The following HPN variants were observed in gnomAD, a reference collection of about 807,000 sequenced individuals.
The protein encoded by HPN is serine protease hepsin.
A neutral mutation model predicts 55.9 loss-of-function variants in HPN; 13 were observed. That is an observed-to-expected ratio of 0.23 (90% CI 0.15 to 0.37). The LOEUF is 0.37. Ranked by LOEUF, HPN falls within the 10% of genes least tolerant of loss-of-function variation. HPN has a pLI of 1.00. For missense variants in HPN, 451 were observed against 575.8 expected, an observed-to-expected ratio of 0.78 and a Z score of 2.22; for synonymous variants, 225 against 240.3, an observed-to-expected ratio of 0.94 and a Z score of 0.59.
At chr19:35,042,409 G>T in intron 1 of HPN, 44 bp from the exon 2 acceptor site, 2 of 1,526,448 alleles carry the variant, frequency 1.3e-6, no homozygotes, top group South Asian at 2.5e-5. Context: ...ACTGGGCTGG[G>T]CTGGGCTCCC....
chr19:35,050,910 C>CTTCTTTTTTTTTT (rs1568357736), intron 4 of HPN, among the ~76,000 whole-genome samples: 1 of 116,768 alleles, frequency 8.6e-6, no homozygotes, highest in African/African-American at 3.3e-5. Context: ...TTCTTTCTTT[C>CTTCTTTTTTTTTT]TTTCTTTTTT....
At chr19:35,049,090 G>A (rs953791231) in intron 2 of HPN, among the ~76,000 whole-genome samples, 200 bp from the exon 3 acceptor site, 1 of 152,188 alleles carries the variant, frequency 6.6e-6, no homozygotes, top group African/African-American at 2.4e-5. Context: ...TGGAACCCTG[G>A]GGGAGCTGGG....
intron 9 of HPN, among the ~76,000 whole-genome samples, chr19:35,064,132 T>G (rs948757203): frequency 4.3e-5 from 6 of 140,074 alleles, no homozygotes; most frequent in African/African-American, 1.3e-4. Context: ...GCTCTAAGAC[T>G]CAGGCAGGTG....
At chr19:35,055,446 G>A (rs1033429178) in intron 4 of HPN, among the ~76,000 whole-genome samples, 10 of 151,402 alleles carry the variant, frequency 6.6e-5, no homozygotes, top group African/African-American at 2.4e-4. Context: ...AGGACAAAGA[G>A]GTTCACAGCT....
upstream of HPN, among the ~76,000 whole-genome samples, chr19:35,040,804 G>T (rs2064285590): frequency 2.0e-5 from 3 of 152,314 alleles, no homozygotes; most frequent in South Asian, 6.2e-4. Context: ...GGCTAAACCA[G>T]CGTGTCCCAA....
intron 4 of HPN, among the ~76,000 whole-genome samples, chr19:35,050,914 C>CTTTTTTTTTTTTTTTTTTTTTTTTT (rs5827917): frequency 5.5e-5 from 5 of 90,438 alleles, no homozygotes; most frequent in Non-Finnish European, 1.0e-4. Flanking sequence ...TTCTTTCTTT[C>CTTTTTTTTTTTTTTTTTTTTTTTTT]TTTTTTTTTT....
intron 4 of HPN, among the ~76,000 whole-genome samples, chr19:35,057,790 C>T (rs531555151): frequency 1.1e-3 from 163 of 152,252 alleles, no homozygotes; most frequent in African/African-American, 3.9e-3. Flanking sequence ...AGCCGTTCCA[C>T]AACGTATACA....
At chr19:35,055,878 G>A (rs2064450022) in intron 4 of HPN, among the ~76,000 whole-genome samples, 1 of 152,166 alleles carries the variant, frequency 6.6e-6, no homozygotes, top group African/African-American at 2.4e-5. Context: ...GCAGCCAGAG[G>A]GAGCTGGTGA....
chr19:35,044,590 GT>G (rs1355149594), intron 2 of HPN, among the ~76,000 whole-genome samples: 1 of 152,152 alleles, frequency 6.6e-6, no homozygotes, highest in Non-Finnish European at 1.5e-5. Flanking sequence ...TATTTTACAA[GT>G]TCTACTGTTT....
At position 35,062,122 on chromosome 19, in the gene HPN, G is replaced by T. The variant is rs550481784; in HGVS notation, c.811+1305G>T. 8.5e-5 allele frequency among the ~76,000 whole-genome samples: 13 copies of T among 152,142 alleles called. No individual in the cohort carries two copies. The South Asian group carries it at 2.7e-3, about 32-fold the overall frequency. ...GGAAGGAAGGAAGAAAAGAAGAAAA[G>T]AAAAGGAAAGAAAGAAAAGAAATGT... On this transcript the variant is annotated intron_variant, in intron 9 of 12. Coordinates refer to ENST00000672452, the MANE Select transcript of HPN (RefSeq NM_001384133.1).
At chr19:35,050,910 C>CTTCTTTTTTTTTTTT (rs1568357736) in intron 4 of HPN, among the ~76,000 whole-genome samples, 2 of 116,768 alleles carry the variant, frequency 1.7e-5, no homozygotes, top group African/African-American at 6.5e-5. Flanking sequence ...TTCTTTCTTT[C>CTTCTTTTTTTTTTTT]TTTCTTTTTT....
In HPN at chr19:35,059,800, C is replaced by G. The variant is rs79831835; in HGVS notation, c.288C>G (p.Leu96=). Residue 96 remains leucine, a splice_region_variant and synonymous_variant, in exon 5 of 13, where the codon CTC becomes CTG. Coordinates refer to ENST00000672452, the MANE Select transcript of HPN (RefSeq NM_001384133.1). ...TCAGCTGCGAGGAGATGGGCTTCCT[C>G]AGGTACTGGGGGCCCTCGGAGGGGT... ...AGLSCEEMGF[L]RALTHSELDV... is the part of the protein sequence containing the mutation. 1,835 of 1,570,458 alleles carry G rather than the reference C, an allele frequency of 1.2e-3. 22 individuals carry two copies. The African/African-American group carries it at 0.023, about 19-fold the overall frequency.
At chr19:35,052,491 C>T (rs1396046555) in intron 4 of HPN, among the ~76,000 whole-genome samples, 1 of 142,148 alleles carries the variant, frequency 7.0e-6, no homozygotes, top group Admixed American at 7.4e-5. Context: ...ACTGAGATCA[C>T]GCCACTGCAC....
At position 35,066,398 on chromosome 19, in the gene HPN, A is replaced by C; in HGVS notation, c.*111A>C. On this transcript the variant is annotated 3_prime_UTR_variant, in exon 13 of 13. Coordinates refer to ENST00000672452, the MANE Select transcript of HPN (RefSeq NM_001384133.1). Reference sequence around the variant, plus strand: ...CTTCTTGGGCCCGGTCCACAGGTCCAAGGACACCCTCCCTCCAGGGTCCTC... The same window carrying C: ...CTTCTTGGGCCCGGTCCACAGGTCCCAGGACACCCTCCCTCCAGGGTCCTC... The C allele has an allele frequency of 2.1e-6, 3 of 1,426,940 alleles. No individual in the cohort carries two copies. The highest frequency in any genetic ancestry group is 2.9e-6 in the Non-Finnish European group (3 of 1,052,536). 88.4% of individuals were successfully genotyped at this position (1,426,940 alleles called of 1,614,324 possible).
chr19:35,052,418 C>T (rs1023204528), intron 4 of HPN, among the ~76,000 whole-genome samples: 38 of 151,430 alleles, frequency 2.5e-4, no homozygotes, highest in Non-Finnish European at 4.0e-4. Context: ...ATCCCAGCTA[C>T]TCAGGAGGCT....
intron 2 of HPN, among the ~76,000 whole-genome samples, chr19:35,048,328 C>T (rs1186881605): frequency 6.6e-6 from 1 of 152,172 alleles, no homozygotes; most frequent in Non-Finnish European, 1.5e-5. Context: ...GGGCACGTGA[C>T]CCCACTTCTC....
At chr19:35,050,461 AC>A in intron 4 of HPN, 1 of 1,274,458 alleles carries the variant, frequency 7.8e-7, no homozygotes, top group Non-Finnish European at 1.0e-6. Flanking sequence ...CAAAATGAGG[AC>A]CAGAGAGGAC....
chr19:35,048,028 A>AAAAG (rs1555722914), intron 2 of HPN, among the ~76,000 whole-genome samples: 2,034 of 87,440 alleles, frequency 0.023, 56 homozygotes, highest in South Asian at 0.038. Flanking sequence ...GAGAGAGAGA[A>AAAAG]AAAGAAAGAA....
intron 2 of HPN, among the ~76,000 whole-genome samples, chr19:35,046,116 G>T (rs1194822820): frequency 2.0e-5 from 3 of 152,184 alleles, no homozygotes; most frequent in African/African-American, 7.2e-5. Context: ...AGAGTTGGGG[G>T]GCAGGCCTGA....
Sources: allele counts gnomAD v4.1 joint callset (sites outside exome capture counted in the v4.1 genomes callset), GRCh38; gene constraint gnomAD v4.1.1; transcripts MANE v1.5; gene names NCBI Gene and HGNC (gene_info 2026-07-23, HGNC 2026-07-21).